The following CMIP variants were observed in gnomAD, a reference collection of about 807,000 sequenced individuals.
CMIP encodes c-Maf inducing protein.
Under a neutral mutation model 97.3 loss-of-function variants are expected in CMIP, and 13 were observed. The observed-to-expected ratio is 0.13, with a 90% CI of 0.09 to 0.21. The LOEUF (loss-of-function observed/expected upper bound fraction) is 0.21. CMIP is among the 10% of genes least tolerant of loss of function. The pLI is 1.00. For synonymous variants in CMIP, 538 were observed against 436.3 expected (o/e 1.23, Z -2.91); for missense variants, 847 against 1,024.9 (o/e 0.83, Z 2.37).
intron 1 of CMIP, among the ~76,000 whole-genome samples, chr16:81,536,580 T>C (rs1362097001): frequency 6.6e-6 from 1 of 152,168 alleles, no homozygotes; most frequent in Non-Finnish European, 1.5e-5. Flanking sequence ...GAACCTTCTT[T>C]CTATAAATGC....
At chr16:81,650,090 T>G (rs781006250) in intron 3 of CMIP, among the ~76,000 whole-genome samples, 21 of 152,218 alleles carry the variant, frequency 1.4e-4, no homozygotes, top group Non-Finnish European at 2.6e-4. Context: ...TCATCGTTAA[T>G]GAAGTTCAGC....
At chr16:81,619,711 G>T (rs1466908324) in intron 2 of CMIP, 1 of 152,188 alleles carries the variant, frequency 6.6e-6, no homozygotes, top group Non-Finnish European at 1.5e-5. Flanking sequence ...GATTACCTGG[G>T]TTCAATTCCT....
At chr16:81,562,757 AC>A (rs1213358207) in intron 1 of CMIP, among the ~76,000 whole-genome samples, 1 of 152,192 alleles carries the variant, frequency 6.6e-6, no homozygotes, top group Non-Finnish European at 1.5e-5. Context: ...CATATCACAT[AC>A]CCATCCAGTG....
At chr16:81,661,967 C>T (rs1837554844) in intron 6 of CMIP, among the ~76,000 whole-genome samples, 1 of 152,166 alleles carries the variant, frequency 6.6e-6, no homozygotes, top group African/African-American at 2.4e-5. Flanking sequence ...GCAATGTGTG[C>T]CCCCTGGCCC....
chr16:81,656,170 ATGT>A (rs1259898569), intron 4 of CMIP, among the ~76,000 whole-genome samples: 12 of 152,336 alleles, frequency 7.9e-5, no homozygotes, highest in Middle Eastern at 6.8e-3. Context: ...GTAGAGACTC[ATGT>A]TGTTCATTCA....
chr16:81,459,667 G>T (rs1442521685), intron 1 of CMIP, among the ~76,000 whole-genome samples: 1 of 152,218 alleles, frequency 6.6e-6, no homozygotes, highest in Admixed American at 6.5e-5. Flanking sequence ...CTGACTGGTG[G>T]CCTCCGGTCT....
At chr16:81,678,879 G>A (rs1904573650) in intron 10 of CMIP, among the ~76,000 whole-genome samples, 1 of 152,258 alleles carries the variant, frequency 6.6e-6, no homozygotes, top group Non-Finnish European at 1.5e-5. Context: ...GTATCTGTGA[G>A]CATATGGTGT....
At chr16:81,674,476 C>T (rs954701809) in intron 9 of CMIP, among the ~76,000 whole-genome samples, 4 of 152,136 alleles carry the variant, frequency 2.6e-5, no homozygotes, top group South Asian at 2.1e-4. Flanking sequence ...CCAGCTCACA[C>T]GTTACATTTG....
At position 81,508,219 on chromosome 16, in the gene CMIP, A is replaced by G. The variant is rs1297832862; in HGVS notation, c.300+62678A>G. ...CACAGCTCAGGAAATCTATAAGGAA[A>G]TGTGGTGAAAAGTCCCTCTTGCCCT... On this transcript the variant is annotated intron_variant, in intron 1 of 20. Coordinates refer to ENST00000537098, the MANE Select transcript of CMIP (RefSeq NM_198390.3). 8.5e-5 allele frequency among the ~76,000 whole-genome samples: 13 copies of G among 152,356 alleles called. No homozygotes were observed. The East Asian group carries it at 2.5e-3, about 29-fold the overall frequency.
rs959731714 is a variant in CMIP at position 81,495,556 on chromosome 16, G to C, written c.300+50015G>C. Reference sequence around the variant, plus strand: ...GATGTCTGTGCCTAAAACCTCGCCTGCTGCTGCTGGCCACAGGCCAGTGAA... The same window carrying C: ...GATGTCTGTGCCTAAAACCTCGCCTCCTGCTGCTGGCCACAGGCCAGTGAA... On this transcript the variant is annotated intron_variant, in intron 1 of 20. Transcript: ENST00000537098. 1.9e-5 allele frequency: 30 copies of C among 1,544,138 alleles called. No individual in the cohort carries two copies. The Admixed American group carries it at 3.2e-4, about 17-fold the overall frequency.
chr16:81,500,718 A>T (rs762047170), intron 1 of CMIP, among the ~76,000 whole-genome samples: 3 of 151,446 alleles, frequency 2.0e-5, no homozygotes, highest in Non-Finnish European at 2.9e-5. Flanking sequence ...TGAACTCCTG[A>T]CCTCAAATGA....
rs563665604 is a variant in CMIP at position 81,646,710 on chromosome 16, A to C, written c.478-5493A>C. Among the ~76,000 whole-genome samples the C allele has an allele frequency of 6.9e-4, 105 of 152,322 alleles. 1 individual carries two copies. Among genetic ancestry groups the C allele is most frequent in the African/African-American group, 2.5e-3 (104 of 41,564 alleles). The stretch of plus-strand genomic sequence containing the variant: ...GTGAAATTGCCTTTCTAGACATTTC[A>C]CATAAGAGAAATCATACACTATGTC... On this transcript the variant is annotated intron_variant, in intron 3 of 20. Coordinates refer to ENST00000537098, the MANE Select transcript of CMIP (RefSeq NM_198390.3).
At chr16:81,513,592 C>T (rs2089854573) in intron 1 of CMIP, among the ~76,000 whole-genome samples, 1 of 152,210 alleles carries the variant, frequency 6.6e-6, no homozygotes, top group South Asian at 2.1e-4. Flanking sequence ...CCAGCTTGTG[C>T]TGAGGGTGCT....
chr16:81,645,850 G>C, intron 3 of CMIP: 2 of 554,900 alleles, frequency 3.6e-6, no homozygotes, highest in Non-Finnish European at 6.5e-6. Flanking sequence ...ATTATCTCAT[G>C]AAATAGTCAC....
chr16:81,695,198 T>C (rs1906572788), intron 13 of CMIP, among the ~76,000 whole-genome samples: 2 of 152,320 alleles, frequency 1.3e-5, no homozygotes, highest in East Asian at 3.9e-4. Context: ...TGTTCTCCTG[T>C]TTGCCTCTTT....
At chr16:81,529,882 T>C (rs1370807715) in intron 1 of CMIP, among the ~76,000 whole-genome samples, 1 of 152,200 alleles carries the variant, frequency 6.6e-6, no homozygotes, top group African/African-American at 2.4e-5. Flanking sequence ...GAGGCCGTGT[T>C]GGGCTCTGAC....
At chr16:81,459,307 C>T (rs1906762024) in intron 1 of CMIP, among the ~76,000 whole-genome samples, 1 of 152,166 alleles carries the variant, frequency 6.6e-6, no homozygotes, top group Admixed American at 6.5e-5. Flanking sequence ...TTCTGGTGAC[C>T]TTGGAGTCAA....
chr16:81,445,320 G>T lies in CMIP; in HGVS notation c.79G>T (p.Val27Leu). 1 of 1,581,134 alleles carries T rather than the reference G, an allele frequency of 6.3e-7. No individual in the cohort carries two copies. Among genetic ancestry groups the T allele is most frequent in the Non-Finnish European group, 8.6e-7 (1 of 1,165,022 alleles). The change falls in exon 1 of 21, where the codon GTG becomes TTG. Residue 27 changes from valine to leucine, a missense_variant. By Grantham distance (32) the Val-to-Leu change is conservative. Transcript: ENST00000537098. ...EETKPLLGGD[V>L]SAPEGTKMGA... ...GACCAAGCCGCTGCTGGGGGGCGAC[G>T]TGTCGGCCCCCGAAGGCACGAAGAT...
intron 3 of CMIP, among the ~76,000 whole-genome samples, chr16:81,644,004 C>T (rs1481828699): frequency 6.6e-6 from 1 of 151,930 alleles, no homozygotes; most frequent in Non-Finnish European, 1.5e-5. Flanking sequence ...AAGCCTGGGG[C>T]AAGAAAGGAA....
Sources: allele counts gnomAD v4.1 joint callset (sites outside exome capture counted in the v4.1 genomes callset), GRCh38; gene constraint gnomAD v4.1.1; transcripts MANE v1.5; gene names NCBI Gene and HGNC (gene_info 2026-07-23, HGNC 2026-07-21).